ELAVL2: variants seen among roughly 807,000 people sequenced by gnomAD.
The protein encoded by ELAVL2 is ELAV-like protein 2.
Under a neutral mutation model 34.6 loss-of-function variants are expected in ELAVL2, and 4 were observed. The ratio of observed to expected loss-of-function variants is 0.12; its 90% CI spans 0.06 to 0.26. The LOEUF (loss-of-function observed/expected upper bound fraction) is 0.26. ELAVL2 is among the 10% of genes least tolerant of loss of function. The probability of loss-of-function intolerance (pLI) is 1.00; values close to 1 mark genes in which losing one functional copy is unlikely to be tolerated. For missense variants in ELAVL2, 432 were observed against 442.8 expected (o/e 0.98, Z 0.22); for synonymous variants, 193 against 154.8 (o/e 1.25, Z -1.83).
chr9:23,735,424 T>G (rs10966055), intron 2 of ELAVL2: 1 of 151,996 alleles, frequency 6.6e-6, no homozygotes, highest in South Asian at 2.1e-4. Flanking sequence ...ATTACAGGCA[T>G]GCATCACCAC....
At chr9:23,849,179 A>G in the ELAVL2 span, among the ~76,000 whole-genome samples, 1,268 of 152,272 alleles carry the variant, frequency 8.3e-3, 20 homozygotes, top group African/African-American at 0.029. Context: ...CTATTTAAAA[A>G]CAAAAGGGAT....
chr9:23,754,041 T>A (rs2052876883), intron 2 of ELAVL2, among the ~76,000 whole-genome samples: 1 of 152,178 alleles, frequency 6.6e-6, no homozygotes, highest in African/African-American at 2.4e-5. Flanking sequence ...TCAAAACTCC[T>A]AAACCTCATT....
intron 1 of ELAVL2, among the ~76,000 whole-genome samples, chr9:23,812,694 T>C (rs2063168830): frequency 6.6e-6 from 1 of 151,774 alleles, no homozygotes; most frequent in African/African-American, 2.4e-5. Flanking sequence ...TCATACACAG[T>C]TAATTCAAAA....
intron 2 of ELAVL2, among the ~76,000 whole-genome samples, chr9:23,744,825 A>T (rs893860133): frequency 6.6e-6 from 1 of 152,142 alleles, no homozygotes; most frequent in Non-Finnish European, 1.5e-5. Flanking sequence ...ATTCCCTACA[A>T]AGCTAATTTG....
intron 5 of ELAVL2, among the ~76,000 whole-genome samples, chr9:23,698,273 C>T (rs867717418): frequency 6.6e-6 from 1 of 152,104 alleles, no homozygotes; most frequent in African/African-American, 2.4e-5. Context: ...CACCATCCAT[C>T]CAAATAAATA....
Position 23,800,474 on chromosome 9 carries a change from C to A in ELAVL2, c.-16+25332G>T, listed in dbSNP as rs904776681. 3.9e-5 allele frequency among the ~76,000 whole-genome samples: 6 copies of A among 152,296 alleles called. No individual in the cohort carries two copies. In the South Asian group the frequency reaches 1.0e-3, roughly 26 times the overall value. ...TACATGAGGAGAAGGACCTCACAAGCTGCAGAACATGTCCAGCCTAGCCCC... is the reference window on the plus strand; with the variant it reads ...TACATGAGGAGAAGGACCTCACAAGATGCAGAACATGTCCAGCCTAGCCCC... On this transcript the variant is annotated intron_variant, in intron 1 of 6. Coordinates refer to ENST00000397312, the MANE Select transcript of ELAVL2 (RefSeq NM_004432.5).
chr9:23,690,399 A>T lies in ELAVL2; in HGVS notation c.*2158T>A, dbSNP rs536203660. 2.0e-4 allele frequency: 31 copies of T among 151,952 alleles called. No homozygotes were observed. The highest frequency in any genetic ancestry group is 6.3e-4 in the African/African-American group (26 of 41,308). 9.4% of individuals were successfully genotyped at this position (151,952 alleles called of 1,614,324 possible). A position where few individuals can be genotyped will look rare whatever the true frequency, so the allele number is the denominator to read the frequency against. ...TAGCTGCTGTTTTCCCTTGAGGGAA[A>T]CCTTATTATTTTTTTTTAAGTATAT... On this transcript the variant is annotated 3_prime_UTR_variant, in exon 7 of 7. Transcript: ENST00000397312.
At chr9:23,747,107 C>G (rs1588041450) in intron 2 of ELAVL2, among the ~76,000 whole-genome samples, 2 of 152,028 alleles carry the variant, frequency 1.3e-5, no homozygotes, top group Non-Finnish European at 1.5e-5. Context: ...TTACAAGACC[C>G]TCAGTGGATA....
intron 3 of ELAVL2, among the ~76,000 whole-genome samples, chr9:23,720,975 G>C (rs184188162): frequency 6.6e-6 from 1 of 152,266 alleles, no homozygotes; most frequent in Admixed American, 6.5e-5. Context: ...AAACATTAAA[G>C]TGTTGGCAGT....
intron 2 of ELAVL2, among the ~76,000 whole-genome samples, chr9:23,732,586 T>TTAC: frequency 6.6e-6 from 1 of 152,336 alleles, no homozygotes; most frequent in African/African-American, 2.4e-5. Context: ...TATCATGTGT[T>TTAC]TACTGCATGC....
upstream of ELAVL2, among the ~76,000 whole-genome samples, chr9:23,828,509 G>A (rs2065399683): frequency 6.6e-6 from 1 of 152,144 alleles, no homozygotes; most frequent in Non-Finnish European, 1.5e-5. Flanking sequence ...AGCTGGGAGT[G>A]ATATGGAGTA....
rs2047375478 is a variant in ELAVL2 at position 23,734,608 on chromosome 9, C to G, written c.230-3483G>C. On this transcript the variant is annotated intron_variant, in intron 2 of 6. Transcript: ENST00000397312. ...TGAATAATAACGTAACCAGGCACTT[C>G]TGACACTTTTACCGCAAAAGTTGTT... Among the ~76,000 whole-genome samples, 3 of 152,184 alleles carry G rather than the reference C, an allele frequency of 2.0e-5. No homozygotes were observed. The South Asian group carries it at 6.2e-4, about 32-fold the overall frequency.
At chr9:23,710,852 G>T (rs1369486554) in intron 3 of ELAVL2, among the ~76,000 whole-genome samples, 1 of 152,104 alleles carries the variant, frequency 6.6e-6, no homozygotes, top group African/African-American at 2.4e-5. Context: ...ATGGATATTT[G>T]GACAGGTGGC....
chr9:23,816,562 A>G (rs1042335667), intron 1 of ELAVL2, among the ~76,000 whole-genome samples: 1 of 152,160 alleles, frequency 6.6e-6, no homozygotes, highest in Admixed American at 6.5e-5. Context: ...CAAGGATTAA[A>G]TCTATCACTA....
At chr9:23,828,400 C>G (rs2065395548), upstream of ELAVL2, among the ~76,000 whole-genome samples, 1 of 152,090 alleles carries the variant, frequency 6.6e-6, no homozygotes, top group Non-Finnish European at 1.5e-5. Flanking sequence ...TAGGTGGAAA[C>G]TAATACTTTT....
chr9:23,788,425 A>G (rs188463476), intron 1 of ELAVL2, among the ~76,000 whole-genome samples: 1 of 152,294 alleles, frequency 6.6e-6, no homozygotes, highest in Admixed American at 6.5e-5. Flanking sequence ...AAAAGCCCCA[A>G]TAGATGCCTG....
intron 1 of ELAVL2, among the ~76,000 whole-genome samples, chr9:23,802,275 C>T (rs561779925): frequency 6.6e-6 from 1 of 152,184 alleles, no homozygotes; most frequent in Non-Finnish European, 1.5e-5. Context: ...GGGTCAAGAG[C>T]GCTATAAAAA....
chr9:23,736,704 G>T (rs946464023), intron 2 of ELAVL2, among the ~76,000 whole-genome samples: 1 of 152,074 alleles, frequency 6.6e-6, no homozygotes, highest in African/African-American at 2.4e-5. Flanking sequence ...TATTATTCTG[G>T]CCCTGATCAC....
upstream of ELAVL2, among the ~76,000 whole-genome samples, chr9:23,827,435 A>G (rs1026685832): frequency 6.6e-6 from 1 of 152,170 alleles, no homozygotes; most frequent in Non-Finnish European, 1.5e-5. Flanking sequence ...AAGTAGACAC[A>G]ATATTCATTT....
Sources: gnomAD v4.1 joint callset for allele counts (sites outside exome capture counted in the v4.1 genomes callset) on GRCh38, gnomAD v4.1.1 for gene constraint, MANE v1.5 for transcripts, NCBI Gene and HGNC (gene_info 2026-07-23, HGNC 2026-07-21) for gene names.